The following PTPN14 variants were observed in gnomAD, a reference collection of about 807,000 sequenced individuals.
PTPN14 encodes tyrosine-protein phosphatase non-receptor type 14.
A neutral mutation model predicts 126.8 loss-of-function variants in PTPN14; 53 were observed. The observed-to-expected ratio is 0.42, with a 90% CI of 0.34 to 0.53. PTPN14 has a LOEUF of 0.53. Among genes scored for constraint, PTPN14 ranks in the 20% least tolerant of loss-of-function variants. PTPN14 has a pLI of 0.08. For missense variants in PTPN14, 1,257 were observed against 1,552.9 expected (o/e 0.81, Z 3.20); for synonymous variants, 630 against 599.3 (o/e 1.05, Z -0.75).
intron 18 of PTPN14, among the ~76,000 whole-genome samples, chr1:214,362,819 A>G (rs1657987176): frequency 6.6e-6 from 1 of 152,110 alleles, no homozygotes; most frequent in African/African-American, 2.4e-5. Context: ...CCTGGGCAAC[A>G]TAGCAAAACC....
chr1:214,508,455 C>T lies in PTPN14; in HGVS notation c.-155+42728G>A, dbSNP rs573144226. On this transcript the variant is annotated intron_variant, in intron 1 of 18. Coordinates refer to ENST00000366956, the MANE Select transcript of PTPN14 (RefSeq NM_005401.5). The stretch of plus-strand genomic sequence containing the variant: ...ATCCTTTCAAGTTTTATCATGAGAC[C>T]GCAGCAATTCAGTCCCATATTCAGG... Among the ~76,000 whole-genome samples the T allele has an allele frequency of 7.9e-5, 12 of 152,170 alleles. No individual in the cohort carries two copies. The South Asian group carries it at 1.7e-3, about 21-fold the overall frequency.
rs1657833855 is a variant in PTPN14 at position 214,356,871 on chromosome 1, C to G, written c.*1051G>C. On this transcript the variant is annotated 3_prime_UTR_variant, in exon 19 of 19. Coordinates refer to ENST00000366956, the MANE Select transcript of PTPN14 (RefSeq NM_005401.5). ...GCTTCCCCATCTGTTTCCTTGATGG[C>G]CTTTCCAATGACTTAGTGACCTCAA... The G allele has an allele frequency of 6.6e-6, 1 of 152,206 alleles. No individual in the cohort carries two copies. Among genetic ancestry groups the G allele is most frequent in the Admixed American group, 6.5e-5 (1 of 15,280 alleles). 9.4% of individuals were successfully genotyped at this position (152,206 alleles called of 1,614,324 possible).
Position 214,482,959 on chromosome 1 carries a change from G to C in PTPN14, c.-154-18002C>G, listed in dbSNP as rs142106915. ...CCCTCAGATTTTTCCAGCTTACTTTGTGCATCAATTTGTGTAACAATCTCA... is the reference window on the plus strand; with the variant it reads ...CCCTCAGATTTTTCCAGCTTACTTTCTGCATCAATTTGTGTAACAATCTCA... On this transcript the variant is annotated intron_variant, in intron 1 of 18. Transcript: ENST00000366956. 2,135 of 1,600,392 alleles carry C rather than the reference G, an allele frequency of 1.3e-3. 1 individual carries two copies. In the Admixed American group the frequency reaches 0.034, roughly 26 times the overall value.
chr1:214,525,990 G>T (rs139825814), intron 1 of PTPN14, among the ~76,000 whole-genome samples: 2,283 of 148,682 alleles, frequency 0.015, 57 homozygotes, highest in African/African-American at 0.052. Flanking sequence ...TTTTAAGACG[G>T]AGGCTTGCGC....
At chr1:214,385,865 A>G (rs748068226) in intron 12 of PTPN14, among the ~76,000 whole-genome samples, 6 of 152,178 alleles carry the variant, frequency 3.9e-5, no homozygotes, top group Non-Finnish European at 7.4e-5. Context: ...GCGCCTTCCC[A>G]TAGAAATGTG....
rs142125075 is a variant in PTPN14 at position 214,383,672 on chromosome 1, C to G, written c.2183G>C (p.Arg728Pro). 26 of 1,613,358 alleles carry G rather than the reference C, an allele frequency of 1.6e-5. No individual in the cohort carries two copies. In the South Asian group the frequency reaches 2.5e-4, roughly 16 times the overall value. ...CTGGGCACTGTACTCCATCTTCTCC[C>G]GGAGCATGGGGATCTGGGGCACCGA... The part of the protein sequence containing the change: ...PESVPQIPML[R>P]EKMEYSAQLQ... The change falls in exon 13 of 19, where the codon CGG becomes CCG. Residue 728 changes from arginine to proline, a missense_variant. This residue lies in a region of PTPN14 where 1,021 missense variants were observed against 1,183.3 expected (regional missense o/e 0.86). Transcript: ENST00000366956. The surrounding 1 kb of genome is among the most constrained non-coding windows in gnomAD (Gnocchi z 4.4).
intron 1 of PTPN14, chr1:214,528,423 G>A (rs1329529245): frequency 6.6e-6 from 1 of 152,086 alleles, no homozygotes; most frequent in African/African-American, 2.4e-5. Flanking sequence ...AGAATATGTG[G>A]CAACAGAGAA....
Position 214,351,626 on chromosome 1 carries a change from G to A in PTPN14, c.*6296C>T, listed in dbSNP as rs961542959. 6.6e-6 allele frequency: 1 copy of A among 152,296 alleles called. No homozygotes were observed. The highest frequency in any genetic ancestry group is 1.5e-5 in the Non-Finnish European group (1 of 68,084). The allele number at this position is 152,296 out of a possible 1,614,324, so 9.4% of individuals were successfully genotyped here. ...GGCAAGGAAAGGCTGCCAGCAGCAG[G>A]CGAGGGAAGATGGTGCTTTTGATCA... is the stretch of plus-strand genomic sequence containing the variant. On this transcript the variant is annotated 3_prime_UTR_variant, in exon 19 of 19. Transcript: ENST00000366956.
At chr1:214,367,189 A>C (rs776773067) in intron 17 of PTPN14, among the ~76,000 whole-genome samples, 4 of 152,182 alleles carry the variant, frequency 2.6e-5, no homozygotes, top group Non-Finnish European at 5.9e-5. Context: ...TTAGCACGTG[A>C]TCAGGTGAAA....
intron 1 of PTPN14, among the ~76,000 whole-genome samples, chr1:214,490,902 GGGGAAGGA>G (rs1661223247): frequency 9.2e-5 from 2 of 21,714 alleles, no homozygotes; most frequent in East Asian, 7.6e-4. Flanking sequence ...GGGGAGGGAA[GGGGAAGGA>G]AGGGAAGGAA....
intron 1 of PTPN14, among the ~76,000 whole-genome samples, chr1:214,490,621 G>T (rs932579360): frequency 1.3e-5 from 2 of 151,900 alleles, no homozygotes; most frequent in Admixed American, 1.3e-4. Flanking sequence ...CAGATCATTT[G>T]AGGGCAGAAG....
At chr1:214,420,159 G>C (rs12732499) in intron 3 of PTPN14, among the ~76,000 whole-genome samples, 7,319 of 152,248 alleles carry the variant, frequency 0.048, 212 homozygotes, top group South Asian at 0.085. Context: ...CATAGGGAGG[G>C]GGAAAACACA....
At chr1:214,520,166 A>G (rs1384513073) in intron 1 of PTPN14, among the ~76,000 whole-genome samples, 1 of 151,298 alleles carries the variant, frequency 6.6e-6, no homozygotes, top group Admixed American at 6.6e-5. Flanking sequence ...AATGAACAAC[A>G]GCTAAGCCGG....
At chr1:214,461,293 A>G (rs970469355) in intron 2 of PTPN14, among the ~76,000 whole-genome samples, 1 of 152,216 alleles carries the variant, frequency 6.6e-6, no homozygotes, top group Non-Finnish European at 1.5e-5. Context: ...TTCTAATGGC[A>G]AAGCCAAATA....
chr1:214,364,767 GTGT>G lies in PTPN14; in HGVS notation c.3272-95_3272-93del. 2 of 233,344 alleles carry G rather than the reference GTGT, an allele frequency of 8.6e-6. No homozygotes were observed. The highest frequency in any genetic ancestry group is 2.1e-4 in the African/African-American group (2 of 9,694). The allele number at this position is 233,344 out of a possible 1,614,324, so 14.5% of individuals were successfully genotyped here. ...GGGAGCGGAAGAGAACTGATGGTGA[GTGT>G]GTGTGTGTGTGTGTGTGTGTGTGTG... On this transcript the variant is annotated intron_variant, in intron 17 of 18. Coordinates refer to ENST00000366956, the MANE Select transcript of PTPN14 (RefSeq NM_005401.5). This position sits in a 1 kb window ranked among gnomAD's most constrained non-coding sequence, Gnocchi z 4.1.
At chr1:214,501,808 CCAGCACTTTGGGAG>C (rs1384236041) in intron 1 of PTPN14, among the ~76,000 whole-genome samples, 33 of 152,092 alleles carry the variant, frequency 2.2e-4, no homozygotes, top group Non-Finnish European at 4.6e-4. Context: ...GCCTGTAATC[CCAGCACTTTGGGAG>C]GCCAAGGCCG....
chr1:214,384,844 G>A lies in PTPN14; in HGVS notation c.1067-56C>T. 2 of 1,559,576 alleles carry A rather than the reference G, an allele frequency of 1.3e-6. No homozygotes were observed. Among genetic ancestry groups the A allele is most frequent in the South Asian group, 2.4e-5 (2 of 81,682 alleles). On this transcript the variant is annotated intron_variant, in intron 12 of 18. Coordinates refer to ENST00000366956, the MANE Select transcript of PTPN14 (RefSeq NM_005401.5). This position sits in a 1 kb window ranked among gnomAD's most constrained non-coding sequence, Gnocchi z 5.3. ...CTCCAAGCCATCCTGCCACAACAAA[G>A]TACATCCTCATACTCATGAGGTGAC...
chr1:214,441,477 C>T (rs1348629278), intron 3 of PTPN14, among the ~76,000 whole-genome samples: 1 of 152,170 alleles, frequency 6.6e-6, no homozygotes, highest in Non-Finnish European at 1.5e-5. Flanking sequence ...TTCCTCTCCA[C>T]CCACTCCACT....
At chr1:214,387,018 G>T in intron 11 of PTPN14, 96 bp from the exon 12 acceptor site, 1 of 1,149,144 alleles carries the variant, frequency 8.7e-7, no homozygotes, top group Non-Finnish European at 1.3e-6. Context: ...CCGCCACGTT[G>T]TAAGGGAGGC....
Sources: allele counts gnomAD v4.1 joint callset (sites outside exome capture counted in the v4.1 genomes callset), GRCh38; gene constraint gnomAD v4.1.1; regional missense constraint gnomAD v4.1.1; non-coding constraint Gnocchi (gnomAD v3.1); transcripts MANE v1.5; gene names NCBI Gene and HGNC (gene_info 2026-07-23, HGNC 2026-07-21).